Variants in KRTAP1-5 observed in about 807,000 individuals in gnomAD.
KRTAP1-5 encodes the protein keratin associated protein 1-5.
In KRTAP1-5, 10 loss-of-function variants were observed where a neutral mutation model predicts 14.2. The observed-to-expected ratio is 0.70, with a 90% CI of 0.43 to 1.19. The LOEUF (loss-of-function observed/expected upper bound fraction) is 1.19, where lower values mean the gene tolerates loss of function less well. Among genes scored for constraint, KRTAP1-5 ranks in the 50% most tolerant of loss-of-function variants. KRTAP1-5 has a pLI of 0.00. For synonymous variants in KRTAP1-5, 107 were observed against 80.2 expected, an observed-to-expected ratio of 1.33 and a Z score of -1.79; for missense variants, 234 against 223.5, an observed-to-expected ratio of 1.05 and a Z score of -0.30.
In KRTAP1-5 at chr17:41,026,712, A is replaced by G. The variant is rs775265702; in HGVS notation, c.444T>C (p.His148=). ...ACGGGCGGCAGCAGGAGGCCTGGGC[A>G]TGGTGCAGTTGGCAGCAGGATGGGG... ...CTPPSCCQLH[H]AQASCCRPSY... is the part of the protein sequence containing the mutation. The change falls in exon 1 of 1, where the codon CAT becomes CAC. Residue 148 remains histidine (H), a synonymous_variant. Transcript: ENST00000361883. 7 of 1,613,664 alleles carry G rather than the reference A, an allele frequency of 4.3e-6. No individual in the cohort carries two copies. Among genetic ancestry groups the G allele is most frequent in the Admixed American group, 3.3e-5 (2 of 59,992 alleles).
In KRTAP1-5 at chr17:41,026,590, G is replaced by A. The variant is rs2012327786; in HGVS notation, c.*41C>T. On this transcript the variant is annotated 3_prime_UTR_variant, in exon 1 of 1. Coordinates refer to ENST00000361883, the MANE Select transcript of KRTAP1-5 (RefSeq NM_031957.2). ...GTGGTCAAGGGATGAACAGTTCAGA[G>A]ACACTGTGACCTAGGCAATTGAAAA... is the stretch of plus-strand genomic sequence containing the variant. 16 of 1,560,896 alleles carry A rather than the reference G, an allele frequency of 1.0e-5. No homozygotes were observed. The highest frequency in any genetic ancestry group is 1.4e-5 in the Non-Finnish European group (16 of 1,150,568).
Position 41,026,395 on chromosome 17 carries a change from T to C in KRTAP1-5, c.*236A>G. On this transcript the variant is annotated 3_prime_UTR_variant, in exon 1 of 1. Coordinates refer to ENST00000361883, the MANE Select transcript of KRTAP1-5 (RefSeq NM_031957.2). ...TCCTGCAGAAATATCAGAAATAGTATATCCCAAGCAAATTGATGATCAGCA... is the reference window on the plus strand; with the variant it reads ...TCCTGCAGAAATATCAGAAATAGTACATCCCAAGCAAATTGATGATCAGCA... 1 of 502,046 alleles carries C rather than the reference T, an allele frequency of 2.0e-6. No homozygotes were observed. Among genetic ancestry groups the C allele is most frequent in the Non-Finnish European group, 3.5e-6 (1 of 282,158 alleles). The allele number at this position is 502,046 out of a possible 1,614,324, so 31.1% of individuals were successfully genotyped here.
Position 41,026,419 on chromosome 17 carries a change from C to T in KRTAP1-5, c.*212G>A, listed in dbSNP as rs1339942566. ...ATATCCCAAGCAAATTGATGATCAGCAGGTGGCTTTGTAGCATTTCTGTGT... is the reference window on the plus strand; with the variant it reads ...ATATCCCAAGCAAATTGATGATCAGTAGGTGGCTTTGTAGCATTTCTGTGT... On this transcript the variant is annotated 3_prime_UTR_variant, in exon 1 of 1. Coordinates refer to ENST00000361883, the MANE Select transcript of KRTAP1-5 (RefSeq NM_031957.2). The T allele has an allele frequency of 1.9e-6, 1 of 533,344 alleles. No homozygotes were observed. Among genetic ancestry groups the T allele is most frequent in the Non-Finnish European group, 3.3e-6 (1 of 300,586 alleles). 33.0% of individuals were successfully genotyped at this position (533,344 alleles called of 1,614,324 possible).
Position 41,026,600 on chromosome 17 carries a change from C to T in KRTAP1-5, c.*31G>A, listed in dbSNP as rs758684899. ...GATGAACAGTTCAGAGACACTGTGA[C>T]CTAGGCAATTGAAAATAAGCAAACT... On this transcript the variant is annotated 3_prime_UTR_variant, in exon 1 of 1. Transcript: ENST00000361883. The T allele has an allele frequency of 4.5e-6, 7 of 1,570,610 alleles. No individual in the cohort carries two copies. The African/African-American group carries it at 5.4e-5, about 12-fold the overall frequency.
In KRTAP1-5 at chr17:41,027,139, G is replaced by C; in HGVS notation, c.17C>G (p.Thr6Ser). The C allele has an allele frequency of 6.2e-7, 1 of 1,614,188 alleles. No homozygotes were observed. The highest frequency in any genetic ancestry group is 8.5e-7 in the Non-Finnish European group (1 of 1,179,998). MTCCQ[T>S]SFCGYPSFSI... ...GAAGCTGGGATATCCACAGAAGCTG[G>C]TCTGGCAGCAGGTCATGGTGTCAGA... The change falls in exon 1 of 1, where the codon ACC becomes AGC. Residue 6 changes from threonine (T) to serine (S), a missense_variant. By Grantham distance (58) the Thr-to-Ser change is moderately conservative. Coordinates refer to ENST00000361883, the MANE Select transcript of KRTAP1-5 (RefSeq NM_031957.2).
chr17:41,026,560 C>T lies in KRTAP1-5; in HGVS notation c.*71G>A, dbSNP rs978869489. The T allele has an allele frequency of 1.1e-4, 166 of 1,504,632 alleles. No homozygotes were observed. The highest frequency in any genetic ancestry group is 1.5e-4 in the Non-Finnish European group (163 of 1,113,006). 93.2% of individuals were successfully genotyped at this position (1,504,632 alleles called of 1,614,324 possible). On this transcript the variant is annotated 3_prime_UTR_variant, in exon 1 of 1. Coordinates refer to ENST00000361883, the MANE Select transcript of KRTAP1-5 (RefSeq NM_031957.2). ...AAAGTCTGAGAACTTGTTAGTGGTCCAGAGGTGGTCAAGGGATGAACAGTT... is the reference window on the plus strand; with the variant it reads ...AAAGTCTGAGAACTTGTTAGTGGTCTAGAGGTGGTCAAGGGATGAACAGTT...
In KRTAP1-5 at chr17:41,026,594, C is replaced by T. The variant is rs1466497290; in HGVS notation, c.*37G>A. Reference sequence around the variant, plus strand: ...TCAAGGGATGAACAGTTCAGAGACACTGTGACCTAGGCAATTGAAAATAAG... The same window carrying T: ...TCAAGGGATGAACAGTTCAGAGACATTGTGACCTAGGCAATTGAAAATAAG... On this transcript the variant is annotated 3_prime_UTR_variant, in exon 1 of 1. Coordinates refer to ENST00000361883, the MANE Select transcript of KRTAP1-5 (RefSeq NM_031957.2). 1.9e-5 allele frequency: 30 copies of T among 1,565,712 alleles called. 2 individuals are homozygous for T. The South Asian group carries it at 2.4e-4, about 13-fold the overall frequency.
At position 41,026,807 on chromosome 17, in the gene KRTAP1-5, T is replaced by A. The variant is rs767949027; in HGVS notation, c.349A>T (p.Arg117Trp). 9.3e-6 allele frequency: 15 copies of A among 1,612,748 alleles called. No individual in the cohort carries two copies. The highest frequency in any genetic ancestry group is 1.3e-5 in the Non-Finnish European group (15 of 1,179,980). Reference protein sequence around the residue: ...GSSGAVSTRIRWCRPDSRVEG... With the variant: ...GSSGAVSTRIWWCRPDSRVEG... Reference sequence around the variant, plus strand: ...ACACGACTGTCTGGGCGGCACCACCTGATACGGGTGCTCACAGCTCCACTG... The same window carrying A: ...ACACGACTGTCTGGGCGGCACCACCAGATACGGGTGCTCACAGCTCCACTG... The change falls in exon 1 of 1, where the codon AGG becomes TGG. Residue 117 changes from arginine to tryptophan, a missense_variant. Transcript: ENST00000361883.
In KRTAP1-5 at chr17:41,026,319, C is replaced by T. The variant is rs1388776669; in HGVS notation, c.*312G>A. ...GATTATAAAGCATGGAAACATTAGA[C>T]TTGTGGATAGTTCTCATGGATAAAT... On this transcript the variant is annotated 3_prime_UTR_variant, in exon 1 of 1. Transcript: ENST00000361883. The T allele has an allele frequency of 8.2e-6, 3 of 366,406 alleles. No individual in the cohort carries two copies. The highest frequency in any genetic ancestry group is 1.5e-5 in the Non-Finnish European group (3 of 204,358). 22.7% of individuals were successfully genotyped at this position (366,406 alleles called of 1,614,324 possible). A position where few individuals can be genotyped will look rare whatever the true frequency, so the allele number is the denominator to read the frequency against.
Position 41,027,101 on chromosome 17 carries a change from T to C in KRTAP1-5, c.55A>G (p.Thr19Ala), listed in dbSNP as rs2143755725. ...GGCTGGCAGCAGCTGGAGCCACAGG[T>C]CCCACTGATGGAGAAGCTGGGATAT... ...CGYPSFSISG[T>A]CGSSCCQPSC... is the part of the protein sequence containing the mutation. Residue 19 changes from threonine (T) to alanine (A), a missense_variant, in exon 1 of 1, where the codon ACC becomes GCC. Coordinates refer to ENST00000361883, the MANE Select transcript of KRTAP1-5 (RefSeq NM_031957.2). 1 of 1,614,102 alleles carries C rather than the reference T, an allele frequency of 6.2e-7. No individual in the cohort carries two copies. Among genetic ancestry groups the C allele is most frequent in the South Asian group, 1.1e-5 (1 of 91,082 alleles).
rs2012315765 is a variant in KRTAP1-5, at chr17:41,026,029, C to A, written c.*602G>T. On this transcript the variant is annotated 3_prime_UTR_variant, in exon 1 of 1. Transcript: ENST00000361883. ...CAAGTGAAAACAAAGACAATGGTTT[C>A]TTTGCCTAGTATATAATATTTATTA... The A allele has an allele frequency of 6.6e-6, 1 of 152,148 alleles. No individual in the cohort carries two copies. Among genetic ancestry groups the A allele is most frequent in the South Asian group, 2.1e-4 (1 of 4,822 alleles). The allele number at this position is 152,148 out of a possible 1,614,324, so 9.4% of individuals were successfully genotyped here. A position where few individuals can be genotyped will look rare whatever the true frequency, so the allele number is the denominator to read the frequency against.
rs1287205177 is a variant in KRTAP1-5, at chr17:41,026,063, C to T, written c.*568G>A. 1 of 152,478 alleles carries T rather than the reference C, an allele frequency of 6.6e-6. No individual in the cohort carries two copies. The highest frequency in any genetic ancestry group is 1.5e-5 in the Non-Finnish European group (1 of 68,292). 9.4% of individuals were successfully genotyped at this position (152,478 alleles called of 1,614,324 possible). On this transcript the variant is annotated 3_prime_UTR_variant, in exon 1 of 1. Coordinates refer to ENST00000361883, the MANE Select transcript of KRTAP1-5 (RefSeq NM_031957.2). ...GTATATAATATTTATTAAGAAATGACAGAAGACATTGTATCACAGATATAA... is the reference window on the plus strand; with the variant it reads ...GTATATAATATTTATTAAGAAATGATAGAAGACATTGTATCACAGATATAA...
In KRTAP1-5 at chr17:41,027,098, A is replaced by G. The variant is rs373331449; in HGVS notation, c.58T>C (p.Cys20Arg). The G allele has an allele frequency of 3.7e-4, 595 of 1,614,222 alleles. 5 individuals are homozygous for G. In the South Asian group the frequency reaches 4.8e-3, roughly 13 times the overall value. The change falls in exon 1 of 1, where the codon TGT becomes CGT. Residue 20 changes from cysteine (C) to arginine (R), a missense_variant. Transcript: ENST00000361883. ...GYPSFSISGTCGSSCCQPSCC... is the reference protein window; with the variant it reads ...GYPSFSISGTRGSSCCQPSCC... ...CTTGGCTGGCAGCAGCTGGAGCCAC[A>G]GGTCCCACTGATGGAGAAGCTGGGA...
rs182575564 is a variant in KRTAP1-5 at position 41,026,776 on chromosome 17, C to A, written c.380G>T (p.Gly127Val). 1.0e-3 allele frequency: 1,642 copies of A among 1,613,356 alleles called. 3 individuals are homozygous for A. The highest frequency in any genetic ancestry group is 1.3e-3 in the Non-Finnish European group (1,530 of 1,180,008). ...CACACAGCAGGGGGGTAGGTAGGTG[C>A]CCTCCACACGACTGTCTGGGCGGCA... ...RWCRPDSRVE[G>V]TYLPPCCVVS... Residue 127 changes from glycine (G) to valine (V), a missense_variant, in exon 1 of 1, where the codon GGC (glycine) becomes GTC (valine). Coordinates refer to ENST00000361883, the MANE Select transcript of KRTAP1-5 (RefSeq NM_031957.2).
At chr17:41,026,932 CA>C in the KRTAP1-5 span, 1 of 1,613,076 alleles carries the variant, frequency 6.2e-7, no homozygotes, top group Non-Finnish European at 8.5e-7. Context: ...GGTCTCACAG[CA>C]GCTTGGCTGG....
Position 41,026,714 on chromosome 17 carries a change from G to A in KRTAP1-5, c.442C>T (p.His148Tyr), listed in dbSNP as rs748847549. The change falls in exon 1 of 1, where the codon CAT becomes TAT. Residue 148 changes from histidine (H) to tyrosine (Y), a missense_variant. By Grantham distance (83) the His-to-Tyr change is moderately conservative. Coordinates refer to ENST00000361883, the MANE Select transcript of KRTAP1-5 (RefSeq NM_031957.2). The stretch of plus-strand genomic sequence containing the variant: ...GGGCGGCAGCAGGAGGCCTGGGCAT[G>A]GTGCAGTTGGCAGCAGGATGGGGGC... The part of the protein sequence containing the change: ...CTPPSCCQLH[H>Y]AQASCCRPSY... 2 of 1,613,826 alleles carry A rather than the reference G, an allele frequency of 1.2e-6. No individual in the cohort carries two copies. Among genetic ancestry groups the A allele is most frequent in the Non-Finnish European group, 1.7e-6 (2 of 1,180,002 alleles).
At position 41,026,665 on chromosome 17, in the gene KRTAP1-5, C is replaced by T. The variant is rs2143754323; in HGVS notation, c.491G>A (p.Cys164Tyr). ...GGGCTCACAGCAGCAGACTGGGCGG[C>T]AGCAGGACTGTCCACAGTAGGACGG... The part of the protein sequence containing the change: ...CRPSYCGQSC[C>Y]RPVCCCEPTC Residue 164 changes from cysteine (C) to tyrosine (Y), a missense_variant, in exon 1 of 1, where the codon TGC becomes TAC. Coordinates refer to ENST00000361883, the MANE Select transcript of KRTAP1-5 (RefSeq NM_031957.2). 1 of 1,610,238 alleles carries T rather than the reference C, an allele frequency of 6.2e-7. No individual in the cohort carries two copies. Among genetic ancestry groups the T allele is most frequent in the South Asian group, 1.1e-5 (1 of 90,692 alleles).
Position 41,026,775 on chromosome 17 carries a change from G to A in KRTAP1-5, c.381C>T (p.Gly127=), listed in dbSNP as rs570882492. ...RWCRPDSRVE[G]TYLPPCCVVS... ...CCACACAGCAGGGGGGTAGGTAGGT[G>A]CCCTCCACACGACTGTCTGGGCGGC... Residue 127 remains glycine (G), a synonymous_variant, in exon 1 of 1, where the codon GGC becomes GGT. Transcript: ENST00000361883. 3.5e-5 allele frequency: 56 copies of A among 1,613,324 alleles called. No homozygotes were observed. Among genetic ancestry groups the A allele is most frequent in the Non-Finnish European group, 4.5e-5 (53 of 1,180,028 alleles).
chr17:41,026,510 T>C lies in KRTAP1-5; in HGVS notation c.*121A>G. The C allele has an allele frequency of 9.5e-7, 1 of 1,051,126 alleles. No individual in the cohort carries two copies. 65.1% of individuals were successfully genotyped at this position (1,051,126 alleles called of 1,614,324 possible). ...AGATAGAATTGTGAGCTCATATACT[T>C]AGTAGTCTCCATCACAAGCAATGCA... On this transcript the variant is annotated 3_prime_UTR_variant, in exon 1 of 1. Coordinates refer to ENST00000361883, the MANE Select transcript of KRTAP1-5 (RefSeq NM_031957.2).
Sources: gnomAD v4.1 joint callset for allele counts on GRCh38, gnomAD v4.1.1 for gene constraint, MANE v1.5 for transcripts, NCBI Gene and HGNC (gene_info 2026-07-23, HGNC 2026-07-21) for gene names.